The following CCDC73 variants were observed in gnomAD, a reference collection of about 807,000 sequenced individuals.
CCDC73 encodes the protein coiled-coil domain containing 73, also known as coiled-coil domain-containing protein 73.
In CCDC73, 95 loss-of-function variants were observed where a neutral mutation model predicts 116.5. That is an observed-to-expected ratio of 0.82 (90% confidence interval 0.69 to 0.97). The LOEUF (loss-of-function observed/expected upper bound fraction) is 0.97. Among genes scored for constraint, CCDC73 ranks in the 50% least tolerant of loss-of-function variants. The probability of loss-of-function intolerance (pLI) is 0.00; values close to 1 mark genes in which losing one functional copy is unlikely to be tolerated. For missense variants in CCDC73, 1,066 were observed against 1,206.8 expected, an observed-to-expected ratio of 0.88 and a Z score of 1.73; for synonymous variants, 398 against 401.3, an observed-to-expected ratio of 0.99 and a Z score of 0.10.
intron 14 of CCDC73, among the ~76,000 whole-genome samples, chr11:32,633,545 C>T (rs980105392): frequency 3.3e-5 from 5 of 152,014 alleles, no homozygotes; most frequent in South Asian, 4.1e-4. Flanking sequence ...AGAAATAATA[C>T]GAAGAAAAAT....
At chr11:32,829,577 A>G in the CCDC73 span, among the ~76,000 whole-genome samples, 2 of 152,242 alleles carry the variant, frequency 1.3e-5, no homozygotes, top group Non-Finnish European at 2.9e-5. Flanking sequence ...AGTTGACCTA[A>G]GGTAACCACA....
chr11:32,670,964 T>C (rs1856032874), intron 9 of CCDC73, among the ~76,000 whole-genome samples: 1 of 152,158 alleles, frequency 6.6e-6, no homozygotes, highest in Non-Finnish European at 1.5e-5. Context: ...GCATAATAAA[T>C]TAAAATCAGA....
At chr11:32,829,946 G>C in the CCDC73 span, 200 of 985,518 alleles carry the variant, frequency 2.0e-4, no homozygotes, top group Non-Finnish European at 2.3e-4. Flanking sequence ...CCGCCTCCCC[G>C]GACCGAGGCA....
intron 14 of CCDC73, among the ~76,000 whole-genome samples, chr11:32,624,401 A>G (rs1359447166): frequency 6.6e-6 from 1 of 152,112 alleles, no homozygotes; most frequent in Non-Finnish European, 1.5e-5. Flanking sequence ...ACCCAGCAAT[A>G]CCATTTCTTG....
intron 7 of CCDC73, chr11:32,682,465 T>G (rs559123788): frequency 1.3e-5 from 2 of 152,128 alleles, no homozygotes; most frequent in East Asian, 3.9e-4. Context: ...ACTCTTATTT[T>G]CTAACACACC....
intron 1 of CCDC73, among the ~76,000 whole-genome samples, chr11:32,792,885 T>A (rs568989038): frequency 1.3e-5 from 2 of 152,324 alleles, no homozygotes; most frequent in East Asian, 3.9e-4. Flanking sequence ...ATACCTACGG[T>A]ACAGGGTTTG....
intron 14 of CCDC73, among the ~76,000 whole-genome samples, chr11:32,629,056 G>A (rs1002112694): frequency 1.3e-5 from 2 of 151,920 alleles, no homozygotes; most frequent in Non-Finnish European, 2.9e-5. Flanking sequence ...TAGCAGATTA[G>A]ACATTTAAAA....
intron 6 of CCDC73, among the ~76,000 whole-genome samples, chr11:32,685,174 G>A (rs1172328958): frequency 6.7e-6 from 1 of 148,864 alleles, no homozygotes; most frequent in East Asian, 2.0e-4. Context: ...TATTTTAATG[G>A]ATGGGTTGTA....
chr11:32,656,287 G>T (rs919652045), intron 9 of CCDC73, among the ~76,000 whole-genome samples: 13 of 151,678 alleles, frequency 8.6e-5, no homozygotes, highest in Non-Finnish European at 1.5e-4. Flanking sequence ...CACCATGTTA[G>T]CCAGGATGGT....
chr11:32,770,210 G>A lies in CCDC73; in HGVS notation c.-15-9952C>T, dbSNP rs201003205. 1.2e-4 allele frequency among the ~76,000 whole-genome samples: 18 copies of A among 152,284 alleles called. No individual in the cohort carries two copies. In the East Asian group the frequency reaches 3.3e-3, roughly 28 times the overall value. On this transcript the variant is annotated intron_variant, in intron 1 of 17. Transcript: ENST00000335185. ...CTTTCTTCACATGGTTTTCACCCCA[G>A]ACTTCTTCATAGCATGGTGATCTCT...
In CCDC73 at chr11:32,635,696, C is replaced by G. The variant is rs374750916; in HGVS notation, c.1185G>C (p.Gln395His). 3.9e-6 allele frequency: 5 copies of G among 1,298,038 alleles called. No individual in the cohort carries two copies. In the African/African-American group the frequency reaches 4.6e-5, roughly 12 times the overall value. 80.4% of individuals were successfully genotyped at this position (1,298,038 alleles called of 1,614,324 possible). A position where few individuals can be genotyped will look rare whatever the true frequency, so the allele number is the denominator to read the frequency against. The change falls in exon 14 of 18, where the codon CAG (glutamine) becomes CAC (histidine). Residue 395 changes from glutamine (Q) to histidine (H), a missense_variant and splice_region_variant. Transcript: ENST00000335185. ...QKTFEEDKKF[Q>H]NVPEVNNENS... ...ACCCCACAACATACTTAAATTTTAC[C>G]TGAAACTTTTTGTCTTCCTCAAATG...
rs894800635 is a variant in CCDC73 at position 32,753,984 on chromosome 11, C to T, written c.135+6125G>A. On this transcript the variant is annotated intron_variant, in intron 2 of 17. Coordinates refer to ENST00000335185, the MANE Select transcript of CCDC73 (RefSeq NM_001008391.4). Reference sequence around the variant, plus strand: ...CACTTACTGACTATTGTTCTTTTCACCCATTGAATTGACTTGTCTTTTTAA... The same window carrying T: ...CACTTACTGACTATTGTTCTTTTCATCCATTGAATTGACTTGTCTTTTTAA... Among the ~76,000 whole-genome samples the T allele has an allele frequency of 1.4e-4, 22 of 152,280 alleles. No homozygotes were observed. The East Asian group carries it at 3.3e-3, about 23-fold the overall frequency.
At chr11:32,673,668 TC>T (rs1188596538) in intron 9 of CCDC73, among the ~76,000 whole-genome samples, 2 of 152,200 alleles carry the variant, frequency 1.3e-5, no homozygotes, top group African/African-American at 2.4e-5. Flanking sequence ...AAAATTGAAT[TC>T]CTAACTTTGG....
intron 12 of CCDC73, among the ~76,000 whole-genome samples, chr11:32,643,584 A>G (rs1855751918): frequency 6.6e-6 from 1 of 152,172 alleles, no homozygotes; most frequent in African/African-American, 2.4e-5. Context: ...TTGTAACACA[A>G]TAGTATTTTT....
intron 14 of CCDC73, among the ~76,000 whole-genome samples, chr11:32,621,825 A>C (rs1450813269): frequency 6.6e-6 from 1 of 152,230 alleles, no homozygotes; most frequent in Non-Finnish European, 1.5e-5. Context: ...AGAAAAAAAC[A>C]ACTCTATCAA....
intron 2 of CCDC73, among the ~76,000 whole-genome samples, chr11:32,738,569 T>G (rs557064943): frequency 8.5e-5 from 13 of 152,312 alleles, no homozygotes; most frequent in African/African-American, 3.1e-4. Context: ...CCTATATAGA[T>G]GTTTGAGCTC....
At chr11:32,710,952 A>C (rs1849895548) in intron 3 of CCDC73, among the ~76,000 whole-genome samples, 1 of 152,230 alleles carries the variant, frequency 6.6e-6, no homozygotes, top group African/African-American at 2.4e-5. Context: ...GAGTGGGAGA[A>C]AATCTTCACA....
chr11:32,683,509 G>A, intron 7 of CCDC73, 27 bp downstream of exon 7: 1 of 1,446,242 alleles, frequency 6.9e-7, no homozygotes. Flanking sequence ...TCCAGATGGG[G>A]GAAAATATGT....
rs1422856081 is a variant in CCDC73 at position 32,767,648 on chromosome 11, T to A, written c.-15-7390A>T. On this transcript the variant is annotated intron_variant, in intron 1 of 17. Coordinates refer to ENST00000335185, the MANE Select transcript of CCDC73 (RefSeq NM_001008391.4). ...AAGAAAAAAACAAACAACCCCATCA[T>A]AAAGTGGGCAAAGGATATGAACAGA... Among the ~76,000 whole-genome samples, 9 of 152,032 alleles carry A rather than the reference T, an allele frequency of 5.9e-5. No homozygotes were observed. The East Asian group carries it at 7.7e-4, about 13-fold the overall frequency.
Sources: gnomAD v4.1 joint callset for allele counts (sites outside exome capture counted in the v4.1 genomes callset) on GRCh38, gnomAD v4.1.1 for gene constraint, MANE v1.5 for transcripts, NCBI Gene and HGNC (gene_info 2026-07-23, HGNC 2026-07-21) for gene names.